Variants in SLC9A9 observed in about 807,000 individuals in gnomAD.
SLC9A9 encodes the protein sodium/hydrogen exchanger 9.
A neutral mutation model predicts 77.8 loss-of-function variants in SLC9A9; 62 were observed. The ratio of observed to expected loss-of-function variants is 0.80; its 90% CI spans 0.65 to 0.98. The LOEUF (loss-of-function observed/expected upper bound fraction) is 0.98. SLC9A9 is among the 50% of genes least tolerant of loss of function. The probability of loss-of-function intolerance (pLI) is 0.00; values close to 1 mark genes in which losing one functional copy is unlikely to be tolerated. For missense variants in SLC9A9, 775 were observed against 774.9 expected (o/e 1.00, Z 0.00); for synonymous variants, 320 against 283.5 (o/e 1.13, Z -1.29).
At chr3:143,343,197 C>A (rs1011462015) in intron 14 of SLC9A9, among the ~76,000 whole-genome samples, 3 of 152,102 alleles carry the variant, frequency 2.0e-5, no homozygotes, top group Admixed American at 2.0e-4. Flanking sequence ...AGACTTAATA[C>A]CAACAGAGGT....
At chr3:143,295,397 G>C (rs1007933248) in intron 14 of SLC9A9, among the ~76,000 whole-genome samples, 1 of 152,232 alleles carries the variant, frequency 6.6e-6, no homozygotes, top group Non-Finnish European at 1.5e-5. Context: ...GCTACTAGAA[G>C]AGACTTGCAT....
intron 4 of SLC9A9, among the ~76,000 whole-genome samples, chr3:143,738,463 G>A (rs1176021679): frequency 6.6e-6 from 1 of 152,104 alleles, no homozygotes; most frequent in African/African-American, 2.4e-5. Flanking sequence ...ACCTAGAGTG[G>A]ATATGTTTCC....
At chr3:143,283,904 G>T (rs1376680697) in intron 14 of SLC9A9, among the ~76,000 whole-genome samples, 1 of 152,140 alleles carries the variant, frequency 6.6e-6, no homozygotes. Context: ...GGCACGAACA[G>T]GTATGATCCT....
chr3:143,437,461 C>T (rs1480993444), intron 12 of SLC9A9, among the ~76,000 whole-genome samples: 1 of 152,236 alleles, frequency 6.6e-6, no homozygotes, highest in African/African-American at 2.4e-5. Context: ...CCCTGTCATA[C>T]CCAGGTCCCT....
rs1280897677 is a variant in SLC9A9 at position 143,647,645 on chromosome 3, T to G, written c.755+4610A>C. ...ATTGTTATTCTATGACTCCTAAGAA[T>G]ACGCATATATTTTCATTTCTTGACT... On this transcript the variant is annotated intron_variant, in intron 6 of 15. Coordinates refer to ENST00000316549, the MANE Select transcript of SLC9A9 (RefSeq NM_173653.4). Among the ~76,000 whole-genome samples the G allele has an allele frequency of 3.3e-5, 5 of 152,334 alleles. No homozygotes were observed. In the East Asian group the frequency reaches 5.8e-4, roughly 18 times the overall value.
chr3:143,794,108 A>C (rs2008301272), intron 4 of SLC9A9, among the ~76,000 whole-genome samples: 1 of 152,240 alleles, frequency 6.6e-6, no homozygotes. Context: ...GCTTACAGGC[A>C]CAAGTAAAGA....
At chr3:143,329,687 T>C (rs1272902254) in intron 14 of SLC9A9, among the ~76,000 whole-genome samples, 1 of 152,144 alleles carries the variant, frequency 6.6e-6, no homozygotes, top group Admixed American at 6.5e-5. Flanking sequence ...TTCTGTTCCA[T>C]TCATCTCCCT....
intron 14 of SLC9A9, among the ~76,000 whole-genome samples, chr3:143,341,294 G>A (rs1293672461): frequency 6.6e-6 from 1 of 152,126 alleles, no homozygotes; most frequent in Non-Finnish European, 1.5e-5. Context: ...ATATATACCT[G>A]AGATGGGGTC....
chr3:143,445,347 C>T (rs1159702974), intron 12 of SLC9A9, among the ~76,000 whole-genome samples: 1 of 152,162 alleles, frequency 6.6e-6, no homozygotes. Context: ...AAGATGAGGA[C>T]AAACAACTTA....
intron 9 of SLC9A9, among the ~76,000 whole-genome samples, chr3:143,495,746 T>A (rs2035824594): frequency 6.6e-6 from 1 of 152,156 alleles, no homozygotes; most frequent in South Asian, 2.1e-4. Context: ...GACAAAATAG[T>A]CCCTGTAAAA....
chr3:143,660,226 A>T (rs949503511), intron 5 of SLC9A9, among the ~76,000 whole-genome samples: 2 of 152,210 alleles, frequency 1.3e-5, no homozygotes, highest in African/African-American at 4.8e-5. Flanking sequence ...AAAAGCAGAA[A>T]AATTTATTAG....
intron 12 of SLC9A9, among the ~76,000 whole-genome samples, chr3:143,451,977 C>A (rs540313033): frequency 3.3e-5 from 5 of 151,838 alleles, no homozygotes; most frequent in Admixed American, 2.6e-4. Flanking sequence ...TCTGACACAT[C>A]TAGTAAAAAT....
At chr3:143,600,291 G>A (rs1027298904) in intron 6 of SLC9A9, among the ~76,000 whole-genome samples, 17 of 152,116 alleles carry the variant, frequency 1.1e-4, no homozygotes, top group East Asian at 7.7e-4. Context: ...TTGGTTTTCC[G>A]TTCCTGTGTT....
intron 5 of SLC9A9, among the ~76,000 whole-genome samples, chr3:143,653,657 T>C (rs77518478): frequency 0.013 from 1,938 of 152,172 alleles, 43 homozygotes; most frequent in African/African-American, 0.044. Context: ...GATGACACAA[T>C]CTGAACTTTG....
intron 5 of SLC9A9, among the ~76,000 whole-genome samples, chr3:143,683,623 G>A (rs913435939): frequency 9.2e-5 from 14 of 152,216 alleles, no homozygotes; most frequent in Middle Eastern, 3.4e-3. Flanking sequence ...GGATAGTGCC[G>A]TCACGACATG....
At chr3:143,696,656 A>G (rs950965762) in intron 4 of SLC9A9, among the ~76,000 whole-genome samples, 1 of 152,210 alleles carries the variant, frequency 6.6e-6, no homozygotes, top group Non-Finnish European at 1.5e-5. Flanking sequence ...TCTGGAATCA[A>G]TATAAACTTT....
intron 11 of SLC9A9, among the ~76,000 whole-genome samples, chr3:143,490,743 T>A (rs1176856557): frequency 6.6e-6 from 1 of 152,192 alleles, no homozygotes. Context: ...TTGCTGTGGC[T>A]ATGAGTCTCA....
At chr3:143,602,929 T>A (rs1370340577) in intron 6 of SLC9A9, among the ~76,000 whole-genome samples, 1 of 152,244 alleles carries the variant, frequency 6.6e-6, no homozygotes, top group Non-Finnish European at 1.5e-5. Context: ...CATGTGAGCA[T>A]AATGGCGCTT....
At chr3:143,470,126 G>C (rs116693494) in intron 11 of SLC9A9, among the ~76,000 whole-genome samples, 1 of 152,132 alleles carries the variant, frequency 6.6e-6, no homozygotes, top group Non-Finnish European at 1.5e-5. Flanking sequence ...GAATTTATAG[G>C]TCATGGTAAA....
Sources: allele counts gnomAD v4.1 joint callset (sites outside exome capture counted in the v4.1 genomes callset), GRCh38; gene constraint gnomAD v4.1.1; transcripts MANE v1.5; gene names NCBI Gene and HGNC (gene_info 2026-07-23, HGNC 2026-07-21).